The following FAM184A variants were observed in gnomAD, a reference collection of about 807,000 sequenced individuals.
FAM184A encodes the protein protein FAM184A.
In FAM184A, 99 loss-of-function variants were observed where a neutral mutation model predicts 143.8. That is an observed-to-expected ratio of 0.69 (90% CI 0.58 to 0.81). The LOEUF (loss-of-function observed/expected upper bound fraction) is 0.81. Among genes scored for constraint, FAM184A ranks in the 40% least tolerant of loss-of-function variants. FAM184A has a pLI of 0.00. For missense variants in FAM184A, 1,217 were observed against 1,310.5 expected, an observed-to-expected ratio of 0.93 and a Z score of 1.10; for synonymous variants, 427 against 446.4, an observed-to-expected ratio of 0.96 and a Z score of 0.55.
At chr6:119,094,078 C>T (rs547207007) in intron 1 of FAM184A, among the ~76,000 whole-genome samples, 7 of 139,466 alleles carry the variant, frequency 5.0e-5, no homozygotes, top group Admixed American at 1.6e-4. Flanking sequence ...TTCTTTCTCT[C>T]TCTCTTTTCT....
At chr6:119,114,954 A>G (rs923997826) in intron 1 of FAM184A, among the ~76,000 whole-genome samples, 2 of 152,200 alleles carry the variant, frequency 1.3e-5, no homozygotes, top group African/African-American at 4.8e-5. Flanking sequence ...TCTTGGACTC[A>G]AGCAATCCTC....
intron 1 of FAM184A, among the ~76,000 whole-genome samples, chr6:119,072,129 T>C (rs1299926930): frequency 6.6e-6 from 1 of 152,180 alleles, no homozygotes; most frequent in Non-Finnish European, 1.5e-5. Flanking sequence ...CCCAAAGTGC[T>C]GGGACTGTAG....
chr6:119,003,129 AGC>A, intron 8 of FAM184A, 80 bp from the exon 9 acceptor site: 1 of 1,266,660 alleles, frequency 7.9e-7, no homozygotes, highest in Non-Finnish European at 1.1e-6. Flanking sequence ...AGGTTTTTTA[AGC>A]GCTTAATTAA....
At chr6:119,017,010 G>T in intron 4 of FAM184A, 66 bp from the exon 5 acceptor site, 3 of 1,033,638 alleles carry the variant, frequency 2.9e-6, no homozygotes, top group South Asian at 1.5e-5. Context: ...AGGGTAATTT[G>T]AATACCCTAT....
intron 1 of FAM184A, among the ~76,000 whole-genome samples, chr6:119,074,772 T>C (rs1397842110): frequency 6.6e-6 from 1 of 152,230 alleles, no homozygotes; most frequent in African/African-American, 2.4e-5. Context: ...CATTAACATT[T>C]GCAGAAACTT....
At chr6:119,032,874 A>G (rs1026424523) in intron 1 of FAM184A, among the ~76,000 whole-genome samples, 1 of 152,202 alleles carries the variant, frequency 6.6e-6, no homozygotes, top group Non-Finnish European at 1.5e-5. Flanking sequence ...CTAATCACCA[A>G]AAGGTTACTT....
chr6:119,066,226 G>C (rs1787448194), intron 1 of FAM184A, among the ~76,000 whole-genome samples: 1 of 152,148 alleles, frequency 6.6e-6, no homozygotes, highest in African/African-American at 2.4e-5. Context: ...ACTAACCTTA[G>C]AATTCCTGAG....
At chr6:119,134,540 G>A (rs1789611491) in intron 1 of FAM184A, among the ~76,000 whole-genome samples, 2 of 151,680 alleles carry the variant, frequency 1.3e-5, no homozygotes, top group African/African-American at 4.8e-5. Context: ...TGTAATCCCA[G>A]CTACTCAGGA....
chr6:119,070,177 A>G (rs1787630820), intron 1 of FAM184A, among the ~76,000 whole-genome samples: 1 of 152,158 alleles, frequency 6.6e-6, no homozygotes, highest in Admixed American at 6.5e-5. Context: ...ATAATAGTGT[A>G]AGATACAGGA....
intron 7 of FAM184A, chr6:119,005,216 C>A (rs1487821681): frequency 6.6e-6 from 1 of 151,804 alleles, no homozygotes; most frequent in African/African-American, 2.4e-5. Flanking sequence ...GCTCTAAATT[C>A]CAATTATTTC....
chr6:119,106,198 C>G (rs1427178724), intron 1 of FAM184A, among the ~76,000 whole-genome samples: 1 of 151,840 alleles, frequency 6.6e-6, no homozygotes, highest in Non-Finnish European at 1.5e-5. Flanking sequence ...CGAGACCATC[C>G]TGGCTAACAC....
chr6:118,984,937 C>A (rs758350456), intron 9 of FAM184A, among the ~76,000 whole-genome samples: 18 of 152,024 alleles, frequency 1.2e-4, no homozygotes, highest in Non-Finnish European at 2.1e-4. Flanking sequence ...AAAAGTGGTT[C>A]GTTATGAAAA....
chr6:119,067,245 T>C (rs1422512003), intron 1 of FAM184A, among the ~76,000 whole-genome samples: 1 of 152,192 alleles, frequency 6.6e-6, no homozygotes, highest in Non-Finnish European at 1.5e-5. Context: ...TCCATTATCC[T>C]TTCCACCCCT....
chr6:119,088,409 T>A (rs12194216), intron 1 of FAM184A, among the ~76,000 whole-genome samples: 11,392 of 152,256 alleles, frequency 0.075, 601 homozygotes, highest in East Asian at 0.2. Flanking sequence ...AGACATTTCC[T>A]ATCCAAGGTC....
intron 3 of FAM184A, among the ~76,000 whole-genome samples, chr6:119,021,884 G>A (rs977427275): frequency 6.6e-6 from 1 of 152,066 alleles, no homozygotes; most frequent in African/African-American, 2.4e-5. Context: ...GCTGAAGTGG[G>A]AGGATCACTT....
upstream of FAM184A, among the ~76,000 whole-genome samples, chr6:119,079,460 A>G (rs1378295171): frequency 6.6e-6 from 1 of 152,242 alleles, no homozygotes; most frequent in Non-Finnish European, 1.5e-5. Flanking sequence ...AAAATGTGTC[A>G]TAACTTGTGC....
At chr6:119,068,047 GTTT>G (rs148034802) in intron 1 of FAM184A, among the ~76,000 whole-genome samples, 123 of 112,236 alleles carry the variant, frequency 1.1e-3, no homozygotes, top group Middle Eastern at 4.5e-3. Context: ...TTGTGTGTGG[GTTT>G]TTTTTTTTTT....
intron 1 of FAM184A, among the ~76,000 whole-genome samples, chr6:119,043,546 A>T (rs1057304997): frequency 3.1e-4 from 47 of 152,002 alleles, no homozygotes; most frequent in African/African-American, 1.1e-3. Context: ...GAAAGCACAA[A>T]AACTACCCAG....
At chr6:119,031,194 T>G (rs1461894485) in intron 1 of FAM184A, among the ~76,000 whole-genome samples, 1 of 152,204 alleles carries the variant, frequency 6.6e-6, no homozygotes, top group Non-Finnish European at 1.5e-5. Flanking sequence ...GTTTCTGAAA[T>G]AGTCCTCATT....
Sources: gnomAD v4.1 joint callset for allele counts (sites outside exome capture counted in the v4.1 genomes callset) on GRCh38, gnomAD v4.1.1 for gene constraint, MANE v1.5 for transcripts, NCBI Gene and HGNC (gene_info 2026-07-23, HGNC 2026-07-21) for gene names.